HDAC9: variants seen among roughly 807,000 people sequenced by gnomAD.
The protein encoded by HDAC9 is histone deacetylase 9.
Under a neutral mutation model 139.4 loss-of-function variants are expected in HDAC9, and 41 were observed. The observed-to-expected ratio is 0.29, with a 90% CI of 0.23 to 0.38. The LOEUF is 0.38. HDAC9 is among the 10% of genes least tolerant of loss of function. HDAC9 has a pLI of 1.00. For synonymous variants in HDAC9, 517 were observed against 476.2 expected (o/e 1.09, Z -1.12); for missense variants, 1,147 against 1,297.0 (o/e 0.88, Z 1.78).
At chr7:18,226,317 C>T (rs1230405467) in intron 2 of HDAC9, among the ~76,000 whole-genome samples, 2 of 151,946 alleles carry the variant, frequency 1.3e-5, no homozygotes, top group African/African-American at 2.4e-5. Flanking sequence ...GAGTGGTGGA[C>T]AACTGCAGGC....
At position 18,990,911 on chromosome 7, in the gene HDAC9, G is replaced by A. The variant is rs75782408; in HGVS notation, c.3171-5112G>A. On this transcript the variant is annotated intron_variant, in intron 25 of 25. Coordinates refer to ENST00000686413, the MANE Select transcript of HDAC9 (RefSeq NM_178425.4). The stretch of plus-strand genomic sequence containing the variant: ...TCTCGCCCTGCTTGGGCTCGCGCAT[G>A]GAGCGCGCACCCACTGACCTGCGCC... 1.1e-3 allele frequency among the ~76,000 whole-genome samples: 168 copies of A among 152,348 alleles called. 1 individual carries two copies. In the Middle Eastern group the frequency reaches 0.014, roughly 12 times the overall value.
chr7:18,832,769 C>T (rs909874964), intron 19 of HDAC9, among the ~76,000 whole-genome samples: 1 of 151,972 alleles, frequency 6.6e-6, no homozygotes. Context: ...GAGTTTCGCT[C>T]TTGTTGCCCA....
intron 1 of HDAC9, among the ~76,000 whole-genome samples, chr7:18,331,241 G>T (rs2064369599): frequency 6.6e-6 from 1 of 151,584 alleles, no homozygotes; most frequent in Non-Finnish European, 1.5e-5. Context: ...AGCCAATCAG[G>T]CATGTAATAC....
intron 17 of HDAC9, among the ~76,000 whole-genome samples, chr7:18,811,246 T>G (rs1489363110): frequency 2.6e-5 from 4 of 151,788 alleles, no homozygotes; most frequent in African/African-American, 9.7e-5. Context: ...CCTATTTTAC[T>G]GACTTCATCA....
At chr7:18,762,084 A>G (rs935174353) in intron 14 of HDAC9, 73 bp from the exon 15 acceptor site, 2 of 1,524,946 alleles carry the variant, frequency 1.3e-6, no homozygotes, top group Admixed American at 3.4e-5. Flanking sequence ...ATCATCTTAA[A>G]TGTGACTTGG....
At chr7:18,837,031 C>T (rs1796282508) in intron 21 of HDAC9, among the ~76,000 whole-genome samples, 1 of 151,570 alleles carries the variant, frequency 6.6e-6, no homozygotes, top group Admixed American at 6.6e-5. Flanking sequence ...TTCTTTTGTC[C>T]TGTGTGTCAT....
intron 2 of HDAC9, among the ~76,000 whole-genome samples, chr7:18,205,582 T>C (rs1287210919): frequency 6.6e-6 from 1 of 152,094 alleles, no homozygotes; most frequent in Non-Finnish European, 1.5e-5. Context: ...CCCCTATATT[T>C]TCTAGTTCTA....
chr7:18,891,191 C>T (rs1193028127), intron 22 of HDAC9, among the ~76,000 whole-genome samples: 1 of 152,160 alleles, frequency 6.6e-6, no homozygotes, highest in African/African-American at 2.4e-5. Context: ...TCCTTATGCA[C>T]AATATTTCCT....
chr7:18,689,807 A>C (rs1036814535), intron 12 of HDAC9, among the ~76,000 whole-genome samples: 56 of 152,080 alleles, frequency 3.7e-4, no homozygotes, highest in African/African-American at 1.2e-3. Flanking sequence ...GTTGGCTTAA[A>C]ATAAGCATTT....
intron 6 of HDAC9, among the ~76,000 whole-genome samples, chr7:18,603,735 A>T (rs1307693486): frequency 2.0e-5 from 3 of 152,018 alleles, no homozygotes; most frequent in Admixed American, 6.6e-5. Flanking sequence ...TTACCTTCAT[A>T]TGCTCCTTCC....
chr7:18,502,617 A>T (rs1798688091), intron 2 of HDAC9: 1 of 152,206 alleles, frequency 6.6e-6, no homozygotes, highest in African/African-American at 2.4e-5. Flanking sequence ...TCATGAAGAT[A>T]ATATATCTGT....
chr7:18,751,789 G>C lies in HDAC9; in HGVS notation c.2043+2651G>C, dbSNP rs369025609. 8.5e-5 allele frequency among the ~76,000 whole-genome samples: 13 copies of C among 152,082 alleles called. No individual in the cohort carries two copies. The South Asian group carries it at 1.7e-3, about 19-fold the overall frequency. ...CTTTTGTTCAATATGAGATAAAACA[G>C]AACTAAAAGGGAAACACTATTTTCA... On this transcript the variant is annotated intron_variant, in intron 14 of 25. Transcript: ENST00000686413.
intron 1 of HDAC9, among the ~76,000 whole-genome samples, chr7:18,475,154 GACCAGA>G (rs1182649768): frequency 6.6e-6 from 1 of 152,156 alleles, no homozygotes; most frequent in Non-Finnish European, 1.5e-5. Flanking sequence ...GGTGGTCAGT[GACCAGA>G]CCTTGATCTT....
chr7:18,168,888 T>C (rs1247204399), intron 2 of HDAC9, among the ~76,000 whole-genome samples: 1 of 113,188 alleles, frequency 8.8e-6, no homozygotes, highest in Admixed American at 8.7e-5. Context: ...TGTTTTTTTT[T>C]TTTTTTTTTT....
At chr7:18,530,636 T>C (rs1459691395) in intron 2 of HDAC9, among the ~76,000 whole-genome samples, 1 of 152,098 alleles carries the variant, frequency 6.6e-6, no homozygotes, top group Admixed American at 6.6e-5. Flanking sequence ...TTTTATTTTA[T>C]TCAAAGTTCA....
intron 1 of HDAC9, among the ~76,000 whole-genome samples, chr7:18,452,182 T>G (rs529705768): frequency 3.3e-5 from 5 of 152,094 alleles, no homozygotes; most frequent in Non-Finnish European, 7.4e-5. Flanking sequence ...ACCTGAATCC[T>G]AGGCTGAACT....
intron 2 of HDAC9, among the ~76,000 whole-genome samples, chr7:18,567,611 T>C (rs1442279861): frequency 6.6e-6 from 1 of 152,188 alleles, no homozygotes; most frequent in African/African-American, 2.4e-5. Context: ...TGATTAGCAA[T>C]GTATTTCCTA....
At chr7:18,912,587 G>A (rs1241207315) in intron 22 of HDAC9, among the ~76,000 whole-genome samples, 1 of 151,960 alleles carries the variant, frequency 6.6e-6, no homozygotes, top group Non-Finnish European at 1.5e-5. Flanking sequence ...CAACTTGAAG[G>A]TCCCACTAGC....
At chr7:18,788,985 C>T (rs1360738969) in intron 16 of HDAC9, among the ~76,000 whole-genome samples, 1 of 152,034 alleles carries the variant, frequency 6.6e-6, no homozygotes, top group Admixed American at 6.6e-5. Flanking sequence ...AATCAACAAG[C>T]ATGCCTGGTT....
Sources: gnomAD v4.1 joint callset for allele counts (sites outside exome capture counted in the v4.1 genomes callset) on GRCh38, gnomAD v4.1.1 for gene constraint, MANE v1.5 for transcripts, NCBI Gene and HGNC (gene_info 2026-07-23, HGNC 2026-07-21) for gene names.